HIP1: variants seen among roughly 807,000 people sequenced by gnomAD.
HIP1 encodes huntingtin-interacting protein 1.
Under a neutral mutation model 147.6 loss-of-function variants are expected in HIP1, and 65 were observed. The ratio of observed to expected loss-of-function variants is 0.44; its 90% CI spans 0.36 to 0.54. The LOEUF is 0.54. HIP1 is among the 20% of genes least tolerant of loss of function. The probability of loss-of-function intolerance (pLI) is 0.00; values close to 1 mark genes in which losing one functional copy is unlikely to be tolerated. For missense variants in HIP1, 1,061 were observed against 1,299.6 expected, an observed-to-expected ratio of 0.82 and a Z score of 2.82; for synonymous variants, 479 against 504.0, an observed-to-expected ratio of 0.95 and a Z score of 0.67.
At chr7:75,619,621 AC>A (rs1433210347) in intron 1 of HIP1, among the ~76,000 whole-genome samples, 2 of 152,176 alleles carry the variant, frequency 1.3e-5, no homozygotes, top group African/African-American at 4.8e-5. Flanking sequence ...CTCAGCTCAG[AC>A]AAGTATACCT....
At chr7:75,538,525 T>C (rs1406531462) in intron 30 of HIP1, among the ~76,000 whole-genome samples, 5 of 151,488 alleles carry the variant, frequency 3.3e-5, no homozygotes, top group Non-Finnish European at 4.4e-5. Flanking sequence ...GCTGGCAGCC[T>C]GAATGTGACT....
intron 1 of HIP1, among the ~76,000 whole-genome samples, chr7:75,699,343 A>G (rs1800743483): frequency 1.3e-5 from 2 of 152,152 alleles, no homozygotes; most frequent in Non-Finnish European, 2.9e-5. Flanking sequence ...TGATTTTTAT[A>G]TAGCTCACTC....
At chr7:75,632,474 T>C (rs1798261615) in intron 1 of HIP1, among the ~76,000 whole-genome samples, 1 of 151,950 alleles carries the variant, frequency 6.6e-6, no homozygotes, top group African/African-American at 2.4e-5. Flanking sequence ...GGTGTTATCA[T>C]AGCTCACGGC....
intron 1 of HIP1, among the ~76,000 whole-genome samples, chr7:75,673,408 C>CA (rs1276757414): frequency 2.0e-5 from 3 of 151,962 alleles, no homozygotes; most frequent in Non-Finnish European, 4.4e-5. Flanking sequence ...TCTATTTCTG[C>CA]AAAAAGGCAT....
chr7:75,563,872 G>T (rs1554495042), intron 9 of HIP1, among the ~76,000 whole-genome samples: 1 of 152,186 alleles, frequency 6.6e-6, no homozygotes, highest in Non-Finnish European at 1.5e-5. Context: ...TGCACATGAA[G>T]AAACCAATAT....
chr7:75,585,805 G>A (rs1554499513), intron 5 of HIP1, among the ~76,000 whole-genome samples: 1 of 151,684 alleles, frequency 6.6e-6, no homozygotes, highest in Non-Finnish European at 1.5e-5. Flanking sequence ...ACTATCCATT[G>A]TGTCACCTTC....
rs1242064084 is a variant in HIP1, at chr7:75,533,639, A to AT, written c.*4532dup. ...GTCCCTATGAGTGGTAATCAGTTTC[A>AT]TTTAGGGCCTTCAAACCTGAGGTAG... On this transcript the variant is annotated 3_prime_UTR_variant, in exon 31 of 31. Coordinates refer to ENST00000336926, the MANE Select transcript of HIP1 (RefSeq NM_005338.7). The AT allele has an allele frequency of 5.6e-5, 13 of 232,540 alleles. No individual in the cohort carries two copies. Among genetic ancestry groups the AT allele is most frequent in the Non-Finnish European group, 8.5e-6 (1 of 117,656 alleles). The allele number at this position is 232,540 out of a possible 1,614,324, so 14.4% of individuals were successfully genotyped here.
At chr7:75,545,500 G>T (rs1794521759) in intron 25 of HIP1, among the ~76,000 whole-genome samples, 1 of 152,104 alleles carries the variant, frequency 6.6e-6, no homozygotes, top group African/African-American at 2.4e-5. Context: ...AAATTAGCTA[G>T]GTGTGGTGGT....
chr7:75,735,751 C>T (rs550754598), intron 1 of HIP1, among the ~76,000 whole-genome samples: 1 of 151,556 alleles, frequency 6.6e-6, no homozygotes, highest in East Asian at 1.9e-4. Flanking sequence ...AATGCAGTGG[C>T]ACAATCTTTG....
At chr7:75,701,861 TAAC>T (rs1554519197) in intron 1 of HIP1, among the ~76,000 whole-genome samples, 1 of 152,016 alleles carries the variant, frequency 6.6e-6, no homozygotes, top group Non-Finnish European at 1.5e-5. Flanking sequence ...GCAACAACAA[TAAC>T]AACAGGACAC....
In HIP1 at chr7:75,612,063, C is replaced by T. The variant is rs587711354; in HGVS notation, c.121-12816G>A. On this transcript the variant is annotated intron_variant, in intron 1 of 30. Coordinates refer to ENST00000336926, the MANE Select transcript of HIP1 (RefSeq NM_005338.7). ...CAGCTCTTGGCAGAAGCCCAGCCCTCGGGCTGCCAAGGCCAGGCTGGCTCA... is the reference window on the plus strand; with the variant it reads ...CAGCTCTTGGCAGAAGCCCAGCCCTTGGGCTGCCAAGGCCAGGCTGGCTCA... Among the ~76,000 whole-genome samples, 549 of 152,330 alleles carry T rather than the reference C, an allele frequency of 3.6e-3. 9 individuals are homozygous for T. The highest frequency in any genetic ancestry group is 6.8e-3 in the Middle Eastern group (2 of 294).
At chr7:75,612,310 G>C (rs587651124) in intron 1 of HIP1, among the ~76,000 whole-genome samples, 2 of 152,312 alleles carry the variant, frequency 1.3e-5, no homozygotes, top group East Asian at 3.9e-4. Context: ...AGGAGCTCCA[G>C]ACCAGCCTGG....
intron 1 of HIP1, among the ~76,000 whole-genome samples, chr7:75,674,451 T>C (rs1178103378): frequency 1.3e-5 from 2 of 152,132 alleles, no homozygotes; most frequent in Non-Finnish European, 2.9e-5. Context: ...TCTCCTTTCA[T>C]CACTTTGAAT....
Position 75,726,920 on chromosome 7 carries a change from G to C in HIP1, c.120+11881C>G, listed in dbSNP as rs536609382. ...TCGAACTCCTGACTTCGGGTGATCT[G>C]CCCAACTCAGCCTCCCAAAGTGCTG... On this transcript the variant is annotated intron_variant, in intron 1 of 30. Transcript: ENST00000336926. 1.1e-4 allele frequency among the ~76,000 whole-genome samples: 16 copies of C among 151,904 alleles called. No individual in the cohort carries two copies. The East Asian group carries it at 3.1e-3, about 30-fold the overall frequency.
chr7:75,587,093 A>G (rs1563223276), intron 4 of HIP1, among the ~76,000 whole-genome samples: 1 of 152,212 alleles, frequency 6.6e-6, no homozygotes, highest in East Asian at 1.9e-4. Flanking sequence ...GGCACGCACC[A>G]CCACGCCTGG....
At chr7:75,558,124 G>A (rs782267207) in intron 15 of HIP1, 43 bp downstream of exon 15, 3 of 1,515,924 alleles carry the variant, frequency 2.0e-6, no homozygotes, top group South Asian at 1.1e-5. Flanking sequence ...TCTCCCTAGA[G>A]GTGCAGGGCC....
At chr7:75,595,239 T>TTCCTTC (rs1796668107) in intron 2 of HIP1, among the ~76,000 whole-genome samples, 35 of 110,770 alleles carry the variant, frequency 3.2e-4, no homozygotes, top group East Asian at 1.2e-3. Flanking sequence ...TTTCTTTCTT[T>TTCCTTC]CTTTCTTTCT....
intron 1 of HIP1, among the ~76,000 whole-genome samples, chr7:75,613,315 C>T (rs1554505397): frequency 2.0e-5 from 3 of 151,912 alleles, no homozygotes. Flanking sequence ...ACAGAGCGTC[C>T]CCACCGTGGG....
intron 1 of HIP1, among the ~76,000 whole-genome samples, chr7:75,603,977 A>T (rs1797117410): frequency 1.3e-5 from 2 of 152,080 alleles, no homozygotes; most frequent in African/African-American, 2.4e-5. Context: ...CGCAGTGCTT[A>T]CAGCTTCCTC....
Sources: gnomAD v4.1 joint callset for allele counts (sites outside exome capture counted in the v4.1 genomes callset) on GRCh38, gnomAD v4.1.1 for gene constraint, MANE v1.5 for transcripts, NCBI Gene and HGNC (gene_info 2026-07-23, HGNC 2026-07-21) for gene names.